Variants in ASB2 observed in about 807,000 individuals in gnomAD.
ASB2 encodes the protein ankyrin repeat and SOCS box protein 2.
In ASB2, 58 loss-of-function variants were observed where a neutral mutation model predicts 62.4. The ratio of observed to expected loss-of-function variants is 0.93; its 90% CI spans 0.75 to 1.16. The LOEUF (loss-of-function observed/expected upper bound fraction) is 1.16, where lower values mean the gene tolerates loss of function less well. Ranked by LOEUF, ASB2 falls within the 50% of genes most tolerant of loss-of-function variation. ASB2 has a pLI of 0.00. For synonymous variants in ASB2, 386 were observed against 385.3 expected, an observed-to-expected ratio of 1.00 and a Z score of -0.02; for missense variants, 928 against 887.9, an observed-to-expected ratio of 1.05 and a Z score of -0.57.
intron 6 of ASB2, among the ~76,000 whole-genome samples, chr14:93,949,307 G>A (rs551427085): frequency 1.3e-5 from 2 of 152,352 alleles, no homozygotes; most frequent in East Asian, 3.9e-4. Flanking sequence ...CACAGGCTTT[G>A]GCGACAGATG....
intron 7 of ASB2, chr14:93,940,478 C>T (rs1888475081): frequency 1.3e-5 from 2 of 152,256 alleles, no homozygotes; most frequent in African/African-American, 2.4e-5. Context: ...GCCACGAGAT[C>T]CTGAGGACAA....
At chr14:93,964,176 A>G (rs1259702674) in intron 2 of ASB2, among the ~76,000 whole-genome samples, 158 bp downstream of exon 2, 1 of 152,236 alleles carries the variant, frequency 6.6e-6, no homozygotes, top group Admixed American at 6.5e-5. Flanking sequence ...TGGCACAGCC[A>G]GAGCTTGGTA....
At chr14:93,967,892 A>G (rs1889641084) in intron 1 of ASB2, among the ~76,000 whole-genome samples, 2 of 152,032 alleles carry the variant, frequency 1.3e-5, no homozygotes, top group African/African-American at 2.4e-5. Context: ...GACCTGGGGC[A>G]GGTCACTTCC....
intron 1 of ASB2, among the ~76,000 whole-genome samples, chr14:93,974,815 C>T (rs1033690055): frequency 3.9e-5 from 6 of 152,248 alleles, no homozygotes; most frequent in African/African-American, 1.4e-4. Flanking sequence ...GAAATCTGCA[C>T]ACAAGCTTGG....
chr14:93,939,167 G>T lies in ASB2; in HGVS notation c.1558C>A (p.Gln520Lys). 6.4e-7 allele frequency: 1 copy of T among 1,567,282 alleles called. No individual in the cohort carries two copies. Among genetic ancestry groups the T allele is most frequent in the Non-Finnish European group, 8.7e-7 (1 of 1,149,996 alleles). The change falls in exon 8 of 10, where the codon CAG becomes AAG. Residue 520 changes from glutamine (Q) to lysine (K), a missense_variant. By Grantham distance (53) the Gln-to-Lys change is moderately conservative (BLOSUM62 1). Coordinates refer to ENST00000555019, the MANE Select transcript of ASB2 (RefSeq NM_001202429.2). ...YGNGPHPPAPQPSSRFNDAPA... is the reference protein window; with the variant it reads ...YGNGPHPPAPKPSSRFNDAPA... ...GCGTCGTTGAACCTGCTGGAGGGCT[G>T]CGGGGCCGGCGGGTGCGGGCCGTTG...
At chr14:93,963,971 G>C (rs1889494188) in intron 2 of ASB2, among the ~76,000 whole-genome samples, 1 of 152,146 alleles carries the variant, frequency 6.6e-6, no homozygotes, top group Admixed American at 6.5e-5. Context: ...TTTCAAGGGA[G>C]GCTGTGTTGT....
At chr14:93,952,058 G>A (rs756353110) in intron 5 of ASB2, among the ~76,000 whole-genome samples, 3 of 152,234 alleles carry the variant, frequency 2.0e-5, no homozygotes, top group African/African-American at 4.8e-5. Flanking sequence ...GGGAGGAGGA[G>A]TGAGGAATGG....
chr14:93,963,340 A>G (rs922512150), intron 2 of ASB2, among the ~76,000 whole-genome samples: 4 of 150,878 alleles, frequency 2.7e-5, no homozygotes, highest in African/African-American at 7.4e-5. Context: ...CACAATTGTC[A>G]CAGCAATTCC....
At position 93,939,404 on chromosome 14, in the gene ASB2, CG is replaced by C; in HGVS notation, c.1320del (p.Asp440GlufsTer47). Reference protein sequence around the residue: ...LLQHGADPNRDVISPLLVAIR... With the variant: ...LLQHGADPNRXVISPLLVAIR... ...ATGGCCACGAGCAAGGGGCTGATGACGTCGCGGTTGGGGTCGGCGCCGTGTT... is the reference window on the plus strand; with the variant it reads ...ATGGCCACGAGCAAGGGGCTGATGACTCGCGGTTGGGGTCGGCGCCGTGTT... On this transcript the variant is annotated frameshift_variant, in exon 8 of 10. Coordinates refer to ENST00000555019, the MANE Select transcript of ASB2 (RefSeq NM_001202429.2). LOFTEE classifies it high-confidence loss of function. 1 of 1,612,876 alleles carries C rather than the reference CG, an allele frequency of 6.2e-7. No individual in the cohort carries two copies. The highest frequency in any genetic ancestry group is 8.5e-7 in the Non-Finnish European group (1 of 1,179,840).
chr14:93,956,945 G>C (rs1319440423), intron 2 of ASB2, 75 bp from the exon 3 acceptor site: 2 of 1,599,958 alleles, frequency 1.3e-6, no homozygotes, highest in African/African-American at 1.3e-5. Flanking sequence ...CTTCAGGCAG[G>C]AATGAGGATG....
intron 6 of ASB2, 93 bp downstream of exon 6, chr14:93,950,906 A>C (rs904197327): frequency 2.2e-6 from 3 of 1,379,774 alleles, no homozygotes; most frequent in African/African-American, 1.4e-5. Context: ...GCACAAGATG[A>C]CCCCTAACTC....
rs758017984 is a variant in ASB2 at position 93,953,471 on chromosome 14, TC to T, written c.514del (p.Glu172ArgfsTer50). The T allele has an allele frequency of 4.1e-5, 65 of 1,603,986 alleles. No homozygotes were observed. Among genetic ancestry groups the T allele is most frequent in the Non-Finnish European group, 5.3e-5 (62 of 1,172,058 alleles). ...PGTIDQRTLQEETAVYLATCR... is the reference protein window; with the variant it reads ...PGTIDQRTLQXETAVYLATCR... ...CGTTGCCAAGTAAACGGCTGTTTCC[TC>T]CTGCAGGGTGCGCTGGTCGATGGTC... is the stretch of plus-strand genomic sequence containing the variant. On this transcript the variant is annotated frameshift_variant, in exon 5 of 10. Transcript: ENST00000555019. LOFTEE classifies it high-confidence loss of function.
intron 3 of ASB2, among the ~76,000 whole-genome samples, chr14:93,956,059 T>G (rs1889186831): frequency 6.6e-6 from 1 of 152,166 alleles, no homozygotes; most frequent in Non-Finnish European, 1.5e-5. Context: ...CCTCCTCCCT[T>G]CTCTACAACG....
intron 7 of ASB2, among the ~76,000 whole-genome samples, chr14:93,942,758 G>T (rs973791740): frequency 5.3e-5 from 8 of 152,194 alleles, no homozygotes; most frequent in African/African-American, 1.9e-4. Flanking sequence ...TTACACACCA[G>T]CTCTACCCTT....
At chr14:93,975,675 C>A (rs1348905670) in intron 1 of ASB2, among the ~76,000 whole-genome samples, 1 of 152,184 alleles carries the variant, frequency 6.6e-6, no homozygotes, top group Non-Finnish European at 1.5e-5. Flanking sequence ...CATGCAGAAC[C>A]CTTTGCCAGA....
At chr14:93,944,569 A>G (rs1175434238) in intron 7 of ASB2, among the ~76,000 whole-genome samples, 5 of 152,228 alleles carry the variant, frequency 3.3e-5, no homozygotes, top group African/African-American at 9.6e-5. Context: ...TTAATGCTGT[A>G]TGCCCAGGGA....
At chr14:93,936,672 G>T (rs891077121) in intron 9 of ASB2, among the ~76,000 whole-genome samples, 59 of 152,336 alleles carry the variant, frequency 3.9e-4, no homozygotes, top group African/African-American at 1.4e-3. Flanking sequence ...AGGGGTGTGG[G>T]GATCAAGGAG....
chr14:93,967,487 T>C (rs943001721), intron 1 of ASB2, among the ~76,000 whole-genome samples: 3 of 152,202 alleles, frequency 2.0e-5, no homozygotes, highest in African/African-American at 7.2e-5. Flanking sequence ...AGGTGTCTGC[T>C]CAAAGCCAGG....
chr14:93,969,312 G>A (rs1400976997), intron 1 of ASB2, among the ~76,000 whole-genome samples: 1 of 152,216 alleles, frequency 6.6e-6, no homozygotes, highest in African/African-American at 2.4e-5. Context: ...GCCCTGGCAC[G>A]AGGGGGAAGT....
Sources: allele counts gnomAD v4.1 joint callset (sites outside exome capture counted in the v4.1 genomes callset), GRCh38; gene constraint gnomAD v4.1.1; transcripts MANE v1.5; gene names NCBI Gene and HGNC (gene_info 2026-07-23, HGNC 2026-07-21).